The following AKAP3 variants were observed in gnomAD, a reference collection of about 807,000 sequenced individuals.
The protein encoded by AKAP3 is A-kinase anchoring protein 3, also known as A-kinase anchor protein 3.
Under a neutral mutation model 57.2 loss-of-function variants are expected in AKAP3, and 27 were observed. The observed-to-expected ratio is 0.47, with a 90% CI of 0.35 to 0.65. The LOEUF is 0.65. Ranked by LOEUF, AKAP3 falls within the 30% of genes least tolerant of loss-of-function variation. AKAP3 has a pLI of 0.01. For missense variants in AKAP3, 959 were observed against 1,040.0 expected (o/e 0.92, Z 1.07); for synonymous variants, 334 against 392.3 (o/e 0.85, Z 1.76).
intron 5 of AKAP3, among the ~76,000 whole-genome samples, chr12:4,618,621 G>A (rs1945313207): frequency 6.6e-6 from 1 of 152,232 alleles, no homozygotes; most frequent in African/African-American, 2.4e-5. Flanking sequence ...CTCATTGCAT[G>A]TTGTTTACCA....
chr12:4,615,581 G>A lies in AKAP3; in HGVS notation c.*158C>T, dbSNP rs559194548. 91 of 932,298 alleles carry A rather than the reference G, an allele frequency of 9.8e-5. No homozygotes were observed. The African/African-American group carries it at 1.4e-3, about 14-fold the overall frequency. The allele number at this position is 932,298 out of a possible 1,614,324, so 57.8% of individuals were successfully genotyped here. On this transcript the variant is annotated 3_prime_UTR_variant, in exon 6 of 6. Coordinates refer to ENST00000228850, the MANE Select transcript of AKAP3 (RefSeq NM_001278309.2). ...TGGACAGGAAAATCTGCAAAATCCA[G>A]TGGCTAGCACAAGATGACATGTCTT...
chr12:4,634,579 C>T (rs1438169159), intron 4 of AKAP3, among the ~76,000 whole-genome samples: 1 of 152,122 alleles, frequency 6.6e-6, no homozygotes, highest in Non-Finnish European at 1.5e-5. Flanking sequence ...ATGTAATGGC[C>T]AGCAGTGATT....
intron 1 of AKAP3, chr12:4,645,666 C>T (rs1945690179): frequency 1.3e-5 from 2 of 152,090 alleles, no homozygotes; most frequent in Non-Finnish European, 2.9e-5. Context: ...CTATGAGAAT[C>T]TAATGCCACC....
intron 5 of AKAP3, among the ~76,000 whole-genome samples, chr12:4,623,775 G>T (rs1386019285): frequency 1.3e-5 from 2 of 152,092 alleles, no homozygotes; most frequent in Non-Finnish European, 2.9e-5. Context: ...AAAATGGGCA[G>T]AAGTTATGAC....
rs1555126704 is a variant in AKAP3 at position 4,624,809 on chromosome 12, G to GGTGTGTGTGTGTGTGTGTGTGT, written c.2406+1686_2406+1687insACACACACACACACACACACAC. ...TGGCTTTATCTTTAGAGTAGACAAA[G>GGTGTGTGTGTGTGTGTGTGTGT]GTGTGTGTGTGTGTGTATATAAAAG... On this transcript the variant is annotated intron_variant, in intron 5 of 5. Transcript: ENST00000228850. Among the ~76,000 whole-genome samples, 223 of 87,862 alleles carry GGTGTGTGTGTGTGTGTGTGTGT rather than the reference G, an allele frequency of 2.5e-3. 1 individual carries two copies. The highest frequency in any genetic ancestry group is 7.3e-3 in the African/African-American group (159 of 21,768). 57.6% of individuals were successfully genotyped at this position (87,862 alleles called of 152,430 possible).
intron 4 of AKAP3, among the ~76,000 whole-genome samples, chr12:4,633,386 T>G (rs1014292006): frequency 6.6e-6 from 1 of 152,198 alleles, no homozygotes; most frequent in Non-Finnish European, 1.5e-5. Context: ...GTTTATGGGT[T>G]TTTAATGTCT....
intron 5 of AKAP3, among the ~76,000 whole-genome samples, chr12:4,618,298 A>G (rs1945309209): frequency 6.6e-6 from 1 of 152,236 alleles, no homozygotes; most frequent in South Asian, 2.1e-4. Flanking sequence ...CAATCAAAAG[A>G]AGACTTGAAT....
intron 5 of AKAP3, among the ~76,000 whole-genome samples, chr12:4,618,564 A>G (rs1458295430): frequency 6.6e-6 from 1 of 152,250 alleles, no homozygotes; most frequent in East Asian, 1.9e-4. Context: ...CAAGGTTTCT[A>G]GTTCTCAGCA....
chr12:4,636,122 T>A, intron 4 of AKAP3: 1 of 984,740 alleles, frequency 1.0e-6, no homozygotes, highest in Non-Finnish European at 1.6e-6. Context: ...TTATTTCCAG[T>A]ATTTGAGCCA....
In AKAP3 at chr12:4,626,920, A is replaced by G. The variant is rs1990313; in HGVS notation, c.1982T>C (p.Ile661Thr). ...CATCTGCCCACTCATGTGGCCATCT[A>G]TCTGGCTGACAGCCATCTTGGTCAG... ...SGLTKMAVSQ[I>T]DGHMSGQMVE... The change falls in exon 5 of 6, where the codon ATA (isoleucine) becomes ACA (threonine). Residue 661 changes from isoleucine (I) to threonine (T), a missense_variant. Transcript: ENST00000228850. 0.059 allele frequency: 95,503 copies of G among 1,613,844 alleles called. 7,321 individuals carry two copies. The highest frequency in any genetic ancestry group is 0.4 in the East Asian group (18,044 of 44,850).
chr12:4,629,607 C>T (rs1253869144), intron 4 of AKAP3, among the ~76,000 whole-genome samples: 2 of 152,210 alleles, frequency 1.3e-5, no homozygotes, highest in Admixed American at 1.3e-4. Context: ...AACAAACCTG[C>T]ACATGTACCC....
chr12:4,641,044 G>T (rs1945630753), intron 3 of AKAP3, among the ~76,000 whole-genome samples: 1 of 138,814 alleles, frequency 7.2e-6, no homozygotes, highest in Non-Finnish European at 1.6e-5. Context: ...TTTTCTCTGA[G>T]ACAGATTTTC....
chr12:4,630,752 C>G (rs1945487218), intron 4 of AKAP3, among the ~76,000 whole-genome samples: 1 of 152,182 alleles, frequency 6.6e-6, no homozygotes, highest in Non-Finnish European at 1.5e-5. Flanking sequence ...TAATTCTTGT[C>G]TAGACACCTA....
chr12:4,628,678 C>T lies in AKAP3; in HGVS notation c.224G>A (p.Gly75Glu), dbSNP rs1591821611. 6 of 1,614,182 alleles carry T rather than the reference C, an allele frequency of 3.7e-6. No individual in the cohort carries two copies. Among genetic ancestry groups the T allele is most frequent in the Non-Finnish European group, 5.1e-6 (6 of 1,180,018 alleles). The change falls in exon 5 of 6, where the codon GGA (glycine) becomes GAA (glutamate). Residue 75 changes from glycine to glutamate, a missense_variant. By Grantham distance (98) the Gly-to-Glu change is moderately conservative. Coordinates refer to ENST00000228850, the MANE Select transcript of AKAP3 (RefSeq NM_001278309.2). ...ESFGGETSNS[G>E]DPHKGFSVDY... ...TACAGAGAAACCTTTGTGTGGGTCT[C>T]CTGAGTTGGACGTTTCCCCACCAAA...
intron 4 of AKAP3, among the ~76,000 whole-genome samples, chr12:4,632,852 G>A (rs935225182): frequency 6.6e-6 from 1 of 152,136 alleles, no homozygotes; most frequent in Admixed American, 6.5e-5. Flanking sequence ...ATGTTAGCCA[G>A]GATGGTCTCG....
At chr12:4,642,947 T>A (rs1248603237) in intron 2 of AKAP3, among the ~76,000 whole-genome samples, 2 of 152,188 alleles carry the variant, frequency 1.3e-5, no homozygotes, top group African/African-American at 4.8e-5. Context: ...AAATTTACTA[T>A]GGCGGTTACT....
chr12:4,616,110 C>CT (rs1241560106), intron 5 of AKAP3, among the ~76,000 whole-genome samples: 1 of 152,230 alleles, frequency 6.6e-6, no homozygotes, highest in Non-Finnish European at 1.5e-5. Flanking sequence ...ATCTTGCTCT[C>CT]TAAGAATTCT....
chr12:4,627,106 C>G lies in AKAP3; in HGVS notation c.1796G>C (p.Arg599Pro). Residue 599 changes from arginine (R) to proline (P), a missense_variant, in exon 5 of 6, where the codon CGG (arginine) becomes CCG (proline). Transcript: ENST00000228850. ...DLRSVFFNFI[R>P]NLLSETIFKR... is the part of the protein sequence containing the mutation. ...GAAAATGGTCTCACTAAGTAAGTTC[C>G]GGATGAAATTAAAGAAAACACTCCT... is the stretch of plus-strand genomic sequence containing the variant. The G allele has an allele frequency of 6.2e-7, 1 of 1,614,040 alleles. No individual in the cohort carries two copies. Among genetic ancestry groups the G allele is most frequent in the Non-Finnish European group, 8.5e-7 (1 of 1,180,020 alleles).
chr12:4,616,877 G>A (rs930734503), intron 5 of AKAP3, among the ~76,000 whole-genome samples: 17 of 152,100 alleles, frequency 1.1e-4, no homozygotes, highest in Non-Finnish European at 2.1e-4. Flanking sequence ...GAATACCAAA[G>A]AAGAGAAAAG....
Sources: gnomAD v4.1 joint callset for allele counts (sites outside exome capture counted in the v4.1 genomes callset) on GRCh38, gnomAD v4.1.1 for gene constraint, MANE v1.5 for transcripts, NCBI Gene and HGNC (gene_info 2026-07-23, HGNC 2026-07-21) for gene names.